The following VEPH1 variants were observed in gnomAD, a reference collection of about 807,000 sequenced individuals.
VEPH1 encodes ventricular zone expressed PH domain containing 1, also known as ventricular zone-expressed PH domain-containing protein homolog 1.
Under a neutral mutation model 85.2 loss-of-function variants are expected in VEPH1, and 80 were observed. The observed-to-expected ratio is 0.94, with a 90% confidence interval of 0.78 to 1.13. The LOEUF (loss-of-function observed/expected upper bound fraction) is 1.13, where lower values mean the gene tolerates loss of function less well. Ranked by LOEUF, VEPH1 falls within the 50% of genes most tolerant of loss-of-function variation. The pLI, the probability that VEPH1 is intolerant of heterozygous loss-of-function variation, is 0.00. For synonymous variants in VEPH1, 297 were observed against 348.0 expected (o/e 0.85, Z 1.63); for missense variants, 955 against 980.5 (o/e 0.97, Z 0.35).
chr3:157,378,474 A>G (rs1468240869), intron 7 of VEPH1, among the ~76,000 whole-genome samples: 1 of 151,576 alleles, frequency 6.6e-6, no homozygotes, highest in African/African-American at 2.4e-5. Context: ...TCTAGTGGGT[A>G]GAGGCCAGCA....
At chr3:157,284,856 A>G (rs1295592302) in intron 12 of VEPH1, 1 of 152,234 alleles carries the variant, frequency 6.6e-6, no homozygotes, top group Non-Finnish European at 1.5e-5. Context: ...TTCTCAGTCT[A>G]TATTTAACTG....
intron 11 of VEPH1, among the ~76,000 whole-genome samples, chr3:157,293,888 TG>T (rs902452804): frequency 2.6e-5 from 4 of 152,224 alleles, no homozygotes; most frequent in African/African-American, 9.6e-5. Context: ...ACACTACCAA[TG>T]TTCAAAAGGT....
intron 9 of VEPH1, among the ~76,000 whole-genome samples, chr3:157,328,342 G>A (rs1722152718): frequency 6.6e-6 from 1 of 152,038 alleles, no homozygotes; most frequent in African/African-American, 2.4e-5. Context: ...GAAAAAAAAA[G>A]GATCCCTAGG....
chr3:157,280,122 T>C (rs879384701), intron 12 of VEPH1, among the ~76,000 whole-genome samples: 1 of 151,688 alleles, frequency 6.6e-6, no homozygotes, highest in African/African-American at 2.4e-5. Flanking sequence ...CATAGGTCAA[T>C]ACAAAAAGGA....
intron 11 of VEPH1, among the ~76,000 whole-genome samples, chr3:157,303,088 G>T (rs955738065): frequency 6.6e-6 from 1 of 152,160 alleles, no homozygotes; most frequent in African/African-American, 2.4e-5. Context: ...TTTTTGATGA[G>T]ATGTGTGACT....
intron 4 of VEPH1, among the ~76,000 whole-genome samples, chr3:157,433,852 G>A (rs1733352655): frequency 6.6e-6 from 1 of 152,120 alleles, no homozygotes; most frequent in African/African-American, 2.4e-5. Context: ...CATCTGGGCA[G>A]TACTCTATAT....
intron 7 of VEPH1, among the ~76,000 whole-genome samples, chr3:157,376,452 T>A (rs1375837463): frequency 6.6e-6 from 1 of 152,216 alleles, no homozygotes; most frequent in Non-Finnish European, 1.5e-5. Flanking sequence ...AGATAGGACT[T>A]GCACGGTATT....
At chr3:157,360,362 A>C (rs16827528) in intron 9 of VEPH1, among the ~76,000 whole-genome samples, 26,047 of 152,112 alleles carry the variant, frequency 0.17, 2,575 homozygotes, top group South Asian at 0.41. Context: ...CCAAAATGTC[A>C]ACTAAAAAAA....
chr3:157,362,590 T>C lies in VEPH1; in HGVS notation c.1735+774A>G, dbSNP rs530272111. 1.9e-3 allele frequency among the ~76,000 whole-genome samples: 284 copies of C among 152,326 alleles called. 2 individuals carry two copies. The highest frequency in any genetic ancestry group is 3.6e-3 in the Non-Finnish European group (246 of 68,022). On this transcript the variant is annotated intron_variant, in intron 9 of 13. Transcript: ENST00000362010. ...TGGTGTGAAAGTGATACTCATTCAGTAGAAACCATACTTTGAGTTCCTATA... is the reference window on the plus strand; with the variant it reads ...TGGTGTGAAAGTGATACTCATTCAGCAGAAACCATACTTTGAGTTCCTATA...
chr3:157,291,819 G>A (rs1717505482), intron 11 of VEPH1, among the ~76,000 whole-genome samples: 3 of 152,104 alleles, frequency 2.0e-5, no homozygotes, highest in Non-Finnish European at 2.9e-5. Flanking sequence ...ACTAATTGAA[G>A]CACATAGATC....
At chr3:157,299,890 C>G (rs762493846) in intron 11 of VEPH1, among the ~76,000 whole-genome samples, 1 of 152,192 alleles carries the variant, frequency 6.6e-6, no homozygotes, top group Non-Finnish European at 1.5e-5. Context: ...GTTTATTGAG[C>G]TCTTACTATA....
intron 4 of VEPH1, among the ~76,000 whole-genome samples, chr3:157,451,671 T>C (rs999271434): frequency 1.3e-5 from 2 of 152,146 alleles, no homozygotes; most frequent in Non-Finnish European, 2.9e-5. Context: ...TATAATACAA[T>C]TGTTAAAAAT....
At chr3:157,387,359 T>C (rs1215466744) in intron 6 of VEPH1, among the ~76,000 whole-genome samples, 2 of 152,234 alleles carry the variant, frequency 1.3e-5, no homozygotes, top group African/African-American at 4.8e-5. Flanking sequence ...TGTCTGGTAC[T>C]TGACATATGC....
intron 4 of VEPH1, chr3:157,436,697 T>C: frequency 2.3e-6 from 1 of 442,734 alleles, no homozygotes; most frequent in Non-Finnish European, 4.1e-6. Flanking sequence ...TTTAATATTG[T>C]GCAACTTCCA....
chr3:157,280,764 A>T (rs190072323), intron 12 of VEPH1, among the ~76,000 whole-genome samples: 2,253 of 152,310 alleles, frequency 0.015, 24 homozygotes, highest in Non-Finnish European at 0.021. Context: ...TTAGATTTTT[A>T]AAAGTTAGAT....
intron 7 of VEPH1, among the ~76,000 whole-genome samples, chr3:157,371,234 A>G (rs1727455905): frequency 6.6e-6 from 1 of 152,238 alleles, no homozygotes; most frequent in South Asian, 2.1e-4. Context: ...TGAGCATACA[A>G]GAACTGGGAT....
At chr3:157,357,978 T>A (rs1725633950) in intron 9 of VEPH1, among the ~76,000 whole-genome samples, 1 of 152,324 alleles carries the variant, frequency 6.6e-6, no homozygotes, top group East Asian at 1.9e-4. Context: ...CCCAGTGATT[T>A]GTTGTTACAC....
intron 12 of VEPH1, among the ~76,000 whole-genome samples, chr3:157,280,578 A>C (rs934280643): frequency 2.6e-5 from 4 of 152,234 alleles, no homozygotes; most frequent in Non-Finnish European, 4.4e-5. Flanking sequence ...CATGTTTACT[A>C]TGAGCTCTTT....
At chr3:157,287,953 C>T (rs1000083255) in intron 11 of VEPH1, among the ~76,000 whole-genome samples, 1 of 152,206 alleles carries the variant, frequency 6.6e-6, no homozygotes, top group African/African-American at 2.4e-5. Flanking sequence ...GTAGAATTGA[C>T]ACTCCAAGAA....
Sources: gnomAD v4.1 joint callset for allele counts (sites outside exome capture counted in the v4.1 genomes callset) on GRCh38, gnomAD v4.1.1 for gene constraint, MANE v1.5 for transcripts, NCBI Gene and HGNC (gene_info 2026-07-23, HGNC 2026-07-21) for gene names.